STC1: variants seen among roughly 807,000 people sequenced by gnomAD.
STC1 encodes the protein stanniocalcin-1.
STC1 carries 7 observed loss-of-function variants against 22.6 expected under a neutral mutation model. The observed-to-expected ratio is 0.31, with a 90% CI of 0.18 to 0.58. The LOEUF is 0.58. STC1 is among the 20% of genes least tolerant of loss of function. STC1 has a pLI of 0.89. For synonymous variants in STC1, 113 were observed against 120.7 expected (o/e 0.94, Z 0.42); for missense variants, 224 against 311.0 (o/e 0.72, Z 2.10).
At chr8:23,846,785 C>T (rs1209418138) in intron 3 of STC1, among the ~76,000 whole-genome samples, 1 of 152,128 alleles carries the variant, frequency 6.6e-6, no homozygotes, top group African/African-American at 2.4e-5. Flanking sequence ...GAACATTGTC[C>T]AACTCTTTGG....
intron 1 of STC1, chr8:23,854,091 C>A: frequency 8.5e-7 from 1 of 1,175,768 alleles, no homozygotes; most frequent in Non-Finnish European, 1.1e-6. Context: ...TGAAGCATGC[C>A]AACATTCAAG....
At chr8:23,851,660 G>A (rs1802639330) in intron 2 of STC1, 129 bp from the exon 3 acceptor site, 1 of 707,246 alleles carries the variant, frequency 1.4e-6, no homozygotes. Flanking sequence ...TCCTTGCAAT[G>A]AGAAGATTGC....
chr8:23,854,078 C>T (rs1377672983), intron 1 of STC1: 23 of 1,152,440 alleles, frequency 2.0e-5, no homozygotes, highest in Non-Finnish European at 2.4e-5. Context: ...ATAGAGAGCG[C>T]TTTGAAGCAT....
chr8:23,846,782 G>T (rs61053), intron 3 of STC1, among the ~76,000 whole-genome samples: 86,179 of 152,040 alleles, frequency 0.57, 24,671 homozygotes, highest in South Asian at 0.73. Flanking sequence ...GAGGAACATT[G>T]TCCAACTCTT....
intron 2 of STC1, among the ~76,000 whole-genome samples, 182 bp downstream of exon 2, chr8:23,852,056 CTGTG>C (rs111788542): frequency 8.2e-4 from 121 of 147,378 alleles, no homozygotes; most frequent in African/African-American, 1.8e-3. Context: ...ATGAGTGCCT[CTGTG>C]TGTGTGTGTG....
rs1399346064 is a variant in STC1, at chr8:23,845,115, C to G, written c.474-75G>C. 5 of 1,504,632 alleles carry G rather than the reference C, an allele frequency of 3.3e-6. 1 individual carries two copies. The South Asian group carries it at 3.6e-5, about 11-fold the overall frequency. 93.2% of individuals were successfully genotyped at this position (1,504,632 alleles called of 1,614,324 possible). A position where few individuals can be genotyped will look rare whatever the true frequency, so the allele number is the denominator to read the frequency against. On this transcript the variant is annotated intron_variant, in intron 3 of 3. Transcript: ENST00000290271. ...CGAGACCCAGGCTTTCACCCGGGCTCTAGCCAACACGAGTCCCTAATGGCC... is the reference window on the plus strand; with the variant it reads ...CGAGACCCAGGCTTTCACCCGGGCTGTAGCCAACACGAGTCCCTAATGGCC...
At chr8:23,852,638 C>T (rs531171694) in intron 1 of STC1, among the ~76,000 whole-genome samples, 1 of 152,210 alleles carries the variant, frequency 6.6e-6, no homozygotes, top group East Asian at 1.9e-4. Context: ...CCTGTTTCAC[C>T]ATTACCTACA....
intron 1 of STC1, chr8:23,854,153 C>T (rs139232044): frequency 5.4e-4 from 682 of 1,273,122 alleles, no homozygotes; most frequent in Middle Eastern, 9.1e-4. Flanking sequence ...TGCCAGATTT[C>T]AGGCAATCAG....
Position 23,854,076 on chromosome 8 carries a change from C to A in STC1, c.118+330G>T, listed in dbSNP as rs766912675. ...ATCAGCTTCTGGAAAGTATAGAGAG[C>A]GCTTTGAAGCATGCCAACATTCAAG... On this transcript the variant is annotated intron_variant, in intron 1 of 3. Transcript: ENST00000290271. 6 of 1,138,360 alleles carry A rather than the reference C, an allele frequency of 5.3e-6. No individual in the cohort carries two copies. In the African/African-American group the frequency reaches 7.9e-5, roughly 15 times the overall value. 70.5% of individuals were successfully genotyped at this position (1,138,360 alleles called of 1,614,324 possible).
intron 3 of STC1, among the ~76,000 whole-genome samples, chr8:23,850,912 C>CTTTTTTT (rs56311630): frequency 1.1e-5 from 1 of 89,472 alleles, no homozygotes; most frequent in African/African-American, 4.4e-5. Flanking sequence ...AACCAGAGGG[C>CTTTTTTT]TTTTTTTTTT....
At chr8:23,851,654 T>C (rs1455195705) in intron 2 of STC1, 123 bp from the exon 3 acceptor site, 1 of 753,926 alleles carries the variant, frequency 1.3e-6, no homozygotes, top group Non-Finnish European at 2.2e-6. Context: ...TGCATATCCT[T>C]GCAATGAGAA....
intron 1 of STC1, among the ~76,000 whole-genome samples, chr8:23,853,605 G>A (rs1314577913): frequency 6.6e-6 from 1 of 152,164 alleles, no homozygotes; most frequent in African/African-American, 2.4e-5. Flanking sequence ...GTATTGGAAG[G>A]GGAACAAGTG....
At chr8:23,850,724 A>G (rs1802628186) in intron 3 of STC1, among the ~76,000 whole-genome samples, 1 of 152,174 alleles carries the variant, frequency 6.6e-6, no homozygotes, top group Non-Finnish European at 1.5e-5. Context: ...GAATGGGATA[A>G]CATAAGGCCT....
chr8:23,848,700 C>T (rs963647248), intron 3 of STC1, among the ~76,000 whole-genome samples: 8 of 151,542 alleles, frequency 5.3e-5, no homozygotes, highest in Admixed American at 5.3e-4. Flanking sequence ...AATTCCATCC[C>T]TGACCTTTTT....
At chr8:23,848,579 A>G (rs1038936795) in intron 3 of STC1, among the ~76,000 whole-genome samples, 1 of 143,704 alleles carries the variant, frequency 7.0e-6, no homozygotes, top group Non-Finnish European at 1.5e-5. Context: ...TCCTTTCTTT[A>G]TCTTTATGGA....
Position 23,854,718 on chromosome 8 carries a change from GCTGCCGCCGCTGCTGCTGCTGCTGCCA to G in STC1, c.-222_-196del. On this transcript the variant is annotated 5_prime_UTR_variant, in exon 1 of 4. Coordinates refer to ENST00000290271, the MANE Select transcript of STC1 (RefSeq NM_003155.3). ...CACCGGTGCCTCCGCTGCTGCTGCT[GCTGCCGCCGCTGCTGCTGCTGCTGCCA>G]CCGCCGCTGCTGCTGCTGCTGCTGC... 1.5e-6 allele frequency: 1 copy of G among 669,054 alleles called. No homozygotes were observed. The highest frequency in any genetic ancestry group is 2.2e-5 in the Admixed American group (1 of 46,136). 41.4% of individuals were successfully genotyped at this position (669,054 alleles called of 1,614,324 possible). A position where few individuals can be genotyped will look rare whatever the true frequency, so the allele number is the denominator to read the frequency against.
rs563432068 is a variant in STC1 at position 23,854,281 on chromosome 8, T to C, written c.118+125A>G. On this transcript the variant is annotated intron_variant, in intron 1 of 3. Transcript: ENST00000290271. ...AAGGCTATTGGATTACACTGGCAGT[T>C]TATTGCCATCAGGCATGAAGCACAT... is the stretch of plus-strand genomic sequence containing the variant. The C allele has an allele frequency of 1.6e-4, 159 of 1,001,214 alleles. 1 individual carries two copies. In the East Asian group the frequency reaches 4.1e-3, roughly 26 times the overall value. The allele number at this position is 1,001,214 out of a possible 1,614,324, so 62.0% of individuals were successfully genotyped here. A position where few individuals can be genotyped will look rare whatever the true frequency, so the allele number is the denominator to read the frequency against.
intron 1 of STC1, 112 bp from the exon 2 acceptor site, chr8:23,852,496 A>G (rs559002905): frequency 5.2e-5 from 64 of 1,230,352 alleles, no homozygotes; most frequent in Non-Finnish European, 6.7e-5. Context: ...AACTTATCCT[A>G]GGAATCTGTC....
Position 23,852,450 on chromosome 8 carries a change from G to A in STC1, c.119-66C>T, listed in dbSNP as rs940548877. 5.3e-6 allele frequency: 8 copies of A among 1,506,446 alleles called. No individual in the cohort carries two copies. In the Admixed American group the frequency reaches 1.3e-4, roughly 25 times the overall value. 93.3% of individuals were successfully genotyped at this position (1,506,446 alleles called of 1,614,324 possible). On this transcript the variant is annotated intron_variant, in intron 1 of 3. Transcript: ENST00000290271. ...GGAATGGCTGGGTGGGATCAAGTGGGTGCAGAGGTGAATTTCAAGGACATG... is the reference window on the plus strand; with the variant it reads ...GGAATGGCTGGGTGGGATCAAGTGGATGCAGAGGTGAATTTCAAGGACATG...
Sources: allele counts gnomAD v4.1 joint callset (sites outside exome capture counted in the v4.1 genomes callset), GRCh38; gene constraint gnomAD v4.1.1; transcripts MANE v1.5; gene names NCBI Gene and HGNC (gene_info 2026-07-23, HGNC 2026-07-21).